CEMIP2: variants seen among roughly 807,000 people sequenced by gnomAD.
CEMIP2 encodes cell surface hyaluronidase CEMIP2.
In CEMIP2, 79 loss-of-function variants were observed where a neutral mutation model predicts 146.9. That is an observed-to-expected ratio of 0.54 (90% CI 0.45 to 0.65). CEMIP2 has a LOEUF of 0.65. CEMIP2 is among the 30% of genes least tolerant of loss of function. The pLI is 0.00. For missense variants in CEMIP2, 1,596 were observed against 1,696.2 expected (o/e 0.94, Z 1.04); for synonymous variants, 601 against 606.3 (o/e 0.99, Z 0.13).
chr9:71,712,581 ATC>A (rs1463069666), intron 15 of CEMIP2: 1 of 204,482 alleles, frequency 4.9e-6, no homozygotes, highest in Admixed American at 5.9e-5. Flanking sequence ...TCTTCCTAGA[ATC>A]AACTCAGTTA....
At chr9:71,742,947 C>T (rs890888837) in intron 4 of CEMIP2, among the ~76,000 whole-genome samples, 6 of 152,124 alleles carry the variant, frequency 3.9e-5, no homozygotes, top group Non-Finnish European at 8.8e-5. Context: ...CGGCCGGGCA[C>T]ATGGCTTATG....
At chr9:71,764,106 A>G (rs1440580879) in intron 1 of CEMIP2, among the ~76,000 whole-genome samples, 1 of 152,242 alleles carries the variant, frequency 6.6e-6, no homozygotes. Context: ...AAATCTGAAC[A>G]GGGTTTCCAG....
chr9:71,745,343 T>G lies in CEMIP2; in HGVS notation c.709A>C (p.Lys237Gln), dbSNP rs747787994. The part of the protein sequence containing the change: ...GGTLELHGAR[K>Q]ASWTLLARTL... Reference sequence around the variant, plus strand: ...CTTGCCAACAACGTCCACGATGCCTTCCGTGCCCCATGTAACTCCAGTGTC... The same window carrying G: ...CTTGCCAACAACGTCCACGATGCCTGCCGTGCCCCATGTAACTCCAGTGTC... The change falls in exon 4 of 24, where the codon AAG becomes CAG. Residue 237 changes from lysine (K) to glutamine (Q), a missense_variant. By Grantham distance (53) the Lys-to-Gln change is moderately conservative. Coordinates refer to ENST00000377044, the MANE Select transcript of CEMIP2 (RefSeq NM_013390.3). 35 of 1,613,658 alleles carry G rather than the reference T, an allele frequency of 2.2e-5. No individual in the cohort carries two copies. The highest frequency in any genetic ancestry group is 2.8e-5 in the Non-Finnish European group (33 of 1,179,678).
intron 1 of CEMIP2, among the ~76,000 whole-genome samples, chr9:71,763,638 T>C (rs1425100462): frequency 6.6e-6 from 1 of 152,248 alleles, no homozygotes; most frequent in Non-Finnish European, 1.5e-5. Flanking sequence ...GGACCCTTGA[T>C]ACAACAAATG....
In CEMIP2 at chr9:71,709,353, TA is replaced by T; in HGVS notation, c.2890del (p.Tyr964MetfsTer9). ...DGSVTGYKDA[Y>X]VGRMDNYLIR... Reference sequence around the variant, plus strand: ...CAGGTAGTTGTCCATTCTTCCCACATAAGCATCCTTGTATCCTGTCACAGAG... The same window carrying T: ...CAGGTAGTTGTCCATTCTTCCCACATAGCATCCTTGTATCCTGTCACAGAG... On this transcript the variant is annotated frameshift_variant, in exon 17 of 24. Coordinates refer to ENST00000377044, the MANE Select transcript of CEMIP2 (RefSeq NM_013390.3). LOFTEE classifies it high-confidence loss of function. 6.2e-7 allele frequency: 1 copy of T among 1,614,180 alleles called. No homozygotes were observed. The highest frequency in any genetic ancestry group is 8.5e-7 in the Non-Finnish European group (1 of 1,180,010).
intron 19 of CEMIP2, 59 bp from the exon 20 acceptor site, chr9:71,698,263 T>A: frequency 6.7e-7 from 1 of 1,497,904 alleles, no homozygotes; most frequent in Non-Finnish European, 9.2e-7. Context: ...CTTACAAAAT[T>A]CCTCAAATCA....
intron 22 of CEMIP2, among the ~76,000 whole-genome samples, chr9:71,688,305 G>T (rs977441902): frequency 2.0e-5 from 3 of 152,032 alleles, no homozygotes; most frequent in African/African-American, 7.2e-5. Flanking sequence ...AATTTGTGTG[G>T]TATGTCTTAA....
At chr9:71,725,793 G>A (rs979392620) in intron 10 of CEMIP2, 84 bp from the exon 11 acceptor site, 7 of 1,435,630 alleles carry the variant, frequency 4.9e-6, no homozygotes, top group Non-Finnish European at 6.5e-6. Flanking sequence ...TTCTTCATCA[G>A]CAAGTTTAAT....
intron 1 of CEMIP2, among the ~76,000 whole-genome samples, chr9:71,755,464 C>A (rs1264692200): frequency 6.6e-6 from 1 of 151,874 alleles, no homozygotes; most frequent in African/African-American, 2.4e-5. Context: ...AGGAGGATTG[C>A]ATGAGACCAG....
intron 23 of CEMIP2, 102 bp downstream of exon 23, chr9:71,685,641 A>G: frequency 1.0e-6 from 1 of 993,520 alleles, no homozygotes; most frequent in Non-Finnish European, 1.5e-6. Flanking sequence ...TACCCACTCC[A>G]GCAAACAAGC....
At chr9:71,720,344 G>A (rs752873414) in intron 12 of CEMIP2, among the ~76,000 whole-genome samples, 17 of 152,162 alleles carry the variant, frequency 1.1e-4, no homozygotes, top group African/African-American at 2.4e-4. Flanking sequence ...AGGCTAGAGC[G>A]CAGTGGCATG....
At chr9:71,769,453 C>T (rs1824903306), upstream of CEMIP2, among the ~76,000 whole-genome samples, 1 of 152,240 alleles carries the variant, frequency 6.6e-6, no homozygotes, top group Non-Finnish European at 1.5e-5. Context: ...CTTCTGGTCC[C>T]TTGGAGCAAC....
intron 1 of CEMIP2, among the ~76,000 whole-genome samples, chr9:71,756,552 AAG>A (rs1001701201): frequency 4.9e-4 from 73 of 149,258 alleles, no homozygotes; most frequent in African/African-American, 1.4e-3. Flanking sequence ...ACACAAGAGA[AAG>A]AGAGACAGAG....
In CEMIP2 at chr9:71,750,044, A is replaced by G; in HGVS notation, c.330T>C (p.Asp110=). Reference sequence around the variant, plus strand: ...CTATGTGCATATACACACACTTACCATCTGGAGCATATTTTGAGGATATTC... The same window carrying G: ...CTATGTGCATATACACACACTTACCGTCTGGAGCATATTTTGAGGATATTC... ...ILGISSKYAP[D]ENCPDQNPRL... is the part of the protein sequence containing the mutation. Residue 110 remains aspartate (D), a splice_region_variant and synonymous_variant, in exon 2 of 24, where the codon GAT becomes GAC. Coordinates refer to ENST00000377044, the MANE Select transcript of CEMIP2 (RefSeq NM_013390.3). 1 of 1,595,286 alleles carries G rather than the reference A, an allele frequency of 6.3e-7. No individual in the cohort carries two copies. Among genetic ancestry groups the G allele is most frequent in the Non-Finnish European group, 8.5e-7 (1 of 1,170,406 alleles).
chr9:71,739,912 A>T, intron 5 of CEMIP2, 151 bp downstream of exon 5: 1 of 703,918 alleles, frequency 1.4e-6, no homozygotes, highest in Non-Finnish European at 2.2e-6. Context: ...CTAAAAGATT[A>T]AGCACAGTAG....
At position 71,745,486 on chromosome 9, in the gene CEMIP2, A is replaced by G. The variant is rs1473037025; in HGVS notation, c.566T>C (p.Ile189Thr). 1 of 1,613,750 alleles carries G rather than the reference A, an allele frequency of 6.2e-7. No homozygotes were observed. The highest frequency in any genetic ancestry group is 1.3e-5 in the African/African-American group (1 of 74,998). The change falls in exon 4 of 24, where the codon ATT becomes ACT. Residue 189 changes from isoleucine to threonine, a missense_variant. Transcript: ENST00000377044. Reference sequence around the variant, plus strand: ...TTTATAGCGGCATTTTTCTGCTCCAATATGAAGCGCCCCACCATCCTGGAT... The same window carrying G: ...TTTATAGCGGCATTTTTCTGCTCCAGTATGAAGCGCCCCACCATCCTGGAT... Reference protein sequence around the residue: ...ILIQDGGALHIGAEKCRYKSK... With the variant: ...ILIQDGGALHTGAEKCRYKSK...
At chr9:71,746,658 T>C (rs1824100138) in intron 2 of CEMIP2, among the ~76,000 whole-genome samples, 2 of 143,460 alleles carry the variant, frequency 1.4e-5, no homozygotes, top group Non-Finnish European at 3.0e-5. Flanking sequence ...AAACCAATAG[T>C]AAGAGGCAAA....
chr9:71,740,322 T>C, intron 4 of CEMIP2, 90 bp from the exon 5 acceptor site: 1 of 1,461,452 alleles, frequency 6.8e-7, no homozygotes, highest in East Asian at 2.3e-5. Context: ...TGCTGTTTAA[T>C]TCTCATATTT....
intron 1 of CEMIP2, among the ~76,000 whole-genome samples, chr9:71,756,492 TCTCTCTCTCTCTCTCACA>T (rs892077365): frequency 6.6e-5 from 9 of 136,470 alleles, no homozygotes; most frequent in East Asian, 4.1e-4. Flanking sequence ...TCTCTCTCTC[TCTCTCTCTCTCTCTCACA>T]CACACACACA....
Sources: allele counts gnomAD v4.1 joint callset (sites outside exome capture counted in the v4.1 genomes callset), GRCh38; gene constraint gnomAD v4.1.1; transcripts MANE v1.5; gene names NCBI Gene and HGNC (gene_info 2026-07-23, HGNC 2026-07-21).